NAALADL2: variants seen among roughly 807,000 people sequenced by gnomAD.
The protein encoded by NAALADL2 is N-acetylated alpha-linked acidic dipeptidase like 2.
Under a neutral mutation model 87.2 loss-of-function variants are expected in NAALADL2, and 76 were observed. That is an observed-to-expected ratio of 0.87 (90% CI 0.72 to 1.05). NAALADL2 has a LOEUF of 1.05. Among genes scored for constraint, NAALADL2 ranks in the 50% least tolerant of loss-of-function variants. The pLI, the probability that NAALADL2 is intolerant of heterozygous loss-of-function variation, is 0.00. For missense variants in NAALADL2, 1,089 were observed against 945.8 expected, an observed-to-expected ratio of 1.15 and a Z score of -1.99; for synonymous variants, 354 against 331.0, an observed-to-expected ratio of 1.07 and a Z score of -0.75.
chr3:174,536,886 T>C (rs1395657222), intron 1 of NAALADL2, among the ~76,000 whole-genome samples: 8 of 152,176 alleles, frequency 5.3e-5, no homozygotes, highest in Non-Finnish European at 2.9e-5. Context: ...TTTCACATTC[T>C]CTTCCCCAAT....
At chr3:174,736,517 C>T (rs1733216478) in intron 2 of NAALADL2, among the ~76,000 whole-genome samples, 1 of 152,002 alleles carries the variant, frequency 6.6e-6, no homozygotes, top group Non-Finnish European at 1.5e-5. Context: ...GCTGGTTGTC[C>T]CATCATCTCT....
chr3:175,249,217 A>G (rs1033591509), intron 3 of NAALADL2, among the ~76,000 whole-genome samples: 1 of 152,068 alleles, frequency 6.6e-6, no homozygotes, highest in African/African-American at 2.4e-5. Flanking sequence ...TTGGCATTAT[A>G]CTTTATTTTC....
chr3:174,974,794 GAGAGAA>G (rs755124905), intron 1 of NAALADL2, among the ~76,000 whole-genome samples: 16 of 152,108 alleles, frequency 1.1e-4, no homozygotes, highest in Admixed American at 8.5e-4. Context: ...GTGGGAGACA[GAGAGAA>G]AGAGAAAGAG....
At chr3:174,691,823 G>C (rs1432506668) in intron 2 of NAALADL2, 2 of 152,124 alleles carry the variant, frequency 1.3e-5, no homozygotes, top group Non-Finnish European at 2.9e-5. Flanking sequence ...GAAGTAGTAG[G>C]TTTCATCTCA....
At chr3:175,128,968 C>T (rs1164698776) in intron 2 of NAALADL2, among the ~76,000 whole-genome samples, 1 of 151,276 alleles carries the variant, frequency 6.6e-6, no homozygotes, top group Non-Finnish European at 1.5e-5. Flanking sequence ...AGAGAGAGTC[C>T]CATTCTGTCA....
intron 2 of NAALADL2, among the ~76,000 whole-genome samples, chr3:175,217,246 T>C (rs1347609336): frequency 2.0e-5 from 3 of 152,078 alleles, no homozygotes; most frequent in African/African-American, 7.2e-5. Flanking sequence ...TAAATGCATA[T>C]AAAAATCAAG....
intron 3 of NAALADL2, among the ~76,000 whole-genome samples, chr3:174,767,212 C>T (rs1464303508): frequency 2.0e-5 from 3 of 152,120 alleles, no homozygotes; most frequent in Non-Finnish European, 4.4e-5. Flanking sequence ...CAGTTGATTG[C>T]AATGAAGCAC....
chr3:174,467,421 C>T (rs925795350), intron 1 of NAALADL2, among the ~76,000 whole-genome samples: 4 of 151,074 alleles, frequency 2.6e-5, no homozygotes, highest in East Asian at 1.9e-4. Flanking sequence ...GGTGAAACCC[C>T]GTGGCTACTA....
chr3:175,601,389 T>C (rs965122370), intron 10 of NAALADL2, among the ~76,000 whole-genome samples: 6 of 152,140 alleles, frequency 3.9e-5, no homozygotes, highest in African/African-American at 1.4e-4. Context: ...AGCAAAATGG[T>C]TTTTATTATT....
intron 10 of NAALADL2, among the ~76,000 whole-genome samples, chr3:175,586,297 T>C (rs1357918460): frequency 2.0e-5 from 3 of 151,560 alleles, no homozygotes; most frequent in Non-Finnish European, 4.4e-5. Context: ...GTCTCATAAA[T>C]GTTAAAAAAT....
chr3:175,158,489 G>T (rs1732653038), intron 2 of NAALADL2, among the ~76,000 whole-genome samples: 1 of 152,064 alleles, frequency 6.6e-6, no homozygotes, highest in Admixed American at 6.6e-5. Context: ...TTGGGGAATA[G>T]AACTTTTGGA....
At chr3:174,663,146 G>A (rs191718839) in intron 2 of NAALADL2, among the ~76,000 whole-genome samples, 1 of 152,118 alleles carries the variant, frequency 6.6e-6, no homozygotes, top group East Asian at 1.9e-4. Context: ...TTGAAAAGGG[G>A]AAAATTAAAT....
intron 1 of NAALADL2, among the ~76,000 whole-genome samples, chr3:174,882,362 A>T (rs1023759837): frequency 4.6e-5 from 7 of 152,052 alleles, no homozygotes; most frequent in Admixed American, 3.9e-4. Flanking sequence ...CAAAATAGTT[A>T]ACTTGATATA....
chr3:175,477,083 C>CA (rs1725799792), intron 9 of NAALADL2, among the ~76,000 whole-genome samples: 1 of 152,024 alleles, frequency 6.6e-6, no homozygotes, highest in Admixed American at 6.6e-5. Context: ...AGGCCCACAT[C>CA]ATCTTTCTGG....
chr3:174,815,841 T>A (rs1040016482), intron 3 of NAALADL2, among the ~76,000 whole-genome samples: 1 of 149,240 alleles, frequency 6.7e-6, no homozygotes, highest in Non-Finnish European at 1.5e-5. Context: ...TTTTTTTTTT[T>A]TTTTTTTTTT....
chr3:174,623,886 T>C (rs375763331), intron 2 of NAALADL2, among the ~76,000 whole-genome samples: 1 of 152,200 alleles, frequency 6.6e-6, no homozygotes, highest in East Asian at 1.9e-4. Flanking sequence ...TTACTTTATA[T>C]AAAACCTTAT....
intron 9 of NAALADL2, among the ~76,000 whole-genome samples, chr3:175,558,109 G>A (rs924047876): frequency 1.4e-5 from 2 of 147,938 alleles, no homozygotes; most frequent in African/African-American, 5.0e-5. Context: ...GCAGGAGAAT[G>A]GCGTGAACCC....
chr3:175,764,628 A>T (rs1216752659), intron 13 of NAALADL2, among the ~76,000 whole-genome samples: 1 of 151,836 alleles, frequency 6.6e-6, no homozygotes, highest in African/African-American at 2.4e-5. Flanking sequence ...GAATAAAGAA[A>T]GCAATCCACT....
At chr3:174,841,113 A>G (rs1560277681) in intron 3 of NAALADL2, among the ~76,000 whole-genome samples, 1 of 150,934 alleles carries the variant, frequency 6.6e-6, no homozygotes, top group Admixed American at 6.6e-5. Flanking sequence ...GTAATAACAA[A>G]TCAAAGAAAA....
Sources: gnomAD v4.1 joint callset for allele counts (sites outside exome capture counted in the v4.1 genomes callset) on GRCh38, gnomAD v4.1.1 for gene constraint, MANE v1.5 for transcripts, NCBI Gene and HGNC (gene_info 2026-07-23, HGNC 2026-07-21) for gene names.